Variants in PIH1D2 observed in about 807,000 individuals in gnomAD.
The protein encoded by PIH1D2 is PIH1 domain containing 2, also known as PIH1 domain-containing protein 2.
In PIH1D2, 25 loss-of-function variants were observed where a neutral mutation model predicts 31.2. The observed-to-expected ratio is 0.80, with a 90% confidence interval of 0.58 to 1.12. PIH1D2 has a LOEUF of 1.12. Among genes scored for constraint, PIH1D2 ranks in the 50% most tolerant of loss-of-function variants. The pLI is 0.00. For missense variants in PIH1D2, 310 were observed against 356.6 expected (o/e 0.87, Z 1.05); for synonymous variants, 116 against 119.9 (o/e 0.97, Z 0.21).
chr11:112,068,398 A>G (rs587632065), intron 5 of PIH1D2, among the ~76,000 whole-genome samples: 3 of 152,306 alleles, frequency 2.0e-5, no homozygotes, highest in East Asian at 3.9e-4. Flanking sequence ...GAAGTGGGAA[A>G]ATAGATGGTA....
downstream of PIH1D2, among the ~76,000 whole-genome samples, chr11:112,067,041 C>T (rs1237842272): frequency 7.2e-5 from 11 of 152,094 alleles, no homozygotes; most frequent in African/African-American, 2.4e-4. Context: ...CCAGCCTGGG[C>T]AACACAGCGA....
At position 112,070,697 on chromosome 11, in the gene PIH1D2, T is replaced by C; in HGVS notation, c.552A>G (p.Leu184=). The C allele has an allele frequency of 6.2e-7, 1 of 1,610,310 alleles. No individual in the cohort carries two copies. Among genetic ancestry groups the C allele is most frequent in the East Asian group, 2.2e-5 (1 of 44,836 alleles). The change falls in exon 5 of 6, where the codon CTA becomes CTG. Residue 184 remains leucine, a synonymous_variant. Transcript: ENST00000280350. The stretch of plus-strand genomic sequence containing the variant: ...TACTGCTTCGTATCTGTCCAAGAGT[T>C]AGTTCTTTATGAAAAAAAGGGTGGA... ...IDLREKMRRE[L]TLGQIRSSTM... is the part of the protein sequence containing the mutation.
At chr11:112,064,182 A>G (rs1555183606), downstream of PIH1D2, 2 of 1,571,084 alleles carry the variant, frequency 1.3e-6, no homozygotes, top group Non-Finnish European at 1.7e-6. Flanking sequence ...AACTTCAAAG[A>G]TAATTCATCT....
At chr11:112,058,760 T>C (rs1157793171), downstream of PIH1D2, among the ~76,000 whole-genome samples, 2 of 152,052 alleles carry the variant, frequency 1.3e-5, 1 homozygote, top group Admixed American at 1.3e-4. Flanking sequence ...TCATATCACA[T>C]TGTAGTTGTA....
At chr11:112,062,640 TTTATTA>T (rs1864709453), downstream of PIH1D2, 1 of 1,326,886 alleles carries the variant, frequency 7.5e-7, no homozygotes, top group Non-Finnish European at 1.1e-6. Context: ...ACCAGTTATT[TTTATTA>T]TTGAGTCTGT....
chr11:112,064,511 G>A, downstream of PIH1D2: 1 of 282,622 alleles, frequency 3.5e-6, no homozygotes, highest in Non-Finnish European at 6.6e-6. Flanking sequence ...TATATAATTG[G>A]CAAAATATGG....
At chr11:112,061,774 G>A (rs1469760954), downstream of PIH1D2, among the ~76,000 whole-genome samples, 1 of 152,108 alleles carries the variant, frequency 6.6e-6, no homozygotes, top group Non-Finnish European at 1.5e-5. Flanking sequence ...TAGTAGACAT[G>A]TTGTTTCACC....
chr11:112,056,841 C>A, the PIH1D2 span, among the ~76,000 whole-genome samples: 4 of 152,120 alleles, frequency 2.6e-5, no homozygotes, highest in African/African-American at 7.2e-5. Flanking sequence ...TATTTGTTAC[C>A]GTGTGGGTGT....
chr11:112,053,875 C>T, the PIH1D2 span, among the ~76,000 whole-genome samples: 2 of 152,118 alleles, frequency 1.3e-5, no homozygotes, highest in South Asian at 2.1e-4. Flanking sequence ...ACTGACTCCC[C>T]GTTAAAGAAC....
chr11:112,071,206 G>C lies in PIH1D2; in HGVS notation c.379C>G (p.Gln127Glu). The C allele has an allele frequency of 6.2e-7, 1 of 1,613,802 alleles. No homozygotes were observed. Among genetic ancestry groups the C allele is most frequent in the Non-Finnish European group, 8.5e-7 (1 of 1,179,886 alleles). Residue 127 changes from glutamine (Q) to glutamate (E), a missense_variant, in exon 4 of 6, where the codon CAG (glutamine) becomes GAG (glutamate). Physicochemically the swap from Gln to Glu is conservative, Grantham distance 29. Transcript: ENST00000280350. ...CATTTCATGGCCATCTGAATTAACT[G>C]ATTTTTTTTCACTTGGTCCTTTTCT... ...AAEKDQVKKN[Q>E]LIQMAMKCIE...
intron 1 of PIH1D2, among the ~76,000 whole-genome samples, chr11:112,073,509 T>G (rs1410708000): frequency 2.0e-5 from 3 of 152,148 alleles, no homozygotes; most frequent in African/African-American, 7.2e-5. Flanking sequence ...GACTGGTGGC[T>G]CCCCAGTTCT....
chr11:112,072,987 A>T lies in PIH1D2; in HGVS notation c.177+11T>A. ...CAAGACCTCCCCATCCCTGGCACCA[A>T]CTCGACATACCAGAATCCTGGTCTG... is the stretch of plus-strand genomic sequence containing the variant. On this transcript the variant is annotated intron_variant, in intron 2 of 5. Coordinates refer to ENST00000280350, the MANE Select transcript of PIH1D2 (RefSeq NM_138789.4). The T allele has an allele frequency of 6.3e-7, 1 of 1,589,044 alleles. No homozygotes were observed. The highest frequency in any genetic ancestry group is 2.3e-5 in the East Asian group (1 of 44,346).
At chr11:112,064,229 AAAAAT>A (rs1864813841), downstream of PIH1D2, 2 of 1,555,588 alleles carry the variant, frequency 1.3e-6, no homozygotes, top group East Asian at 4.6e-5. Context: ...TCCCTTGAAA[AAAAAT>A]AAAAACAGTT....
the PIH1D2 span, among the ~76,000 whole-genome samples, chr11:112,055,549 C>T: frequency 2.0e-5 from 3 of 151,746 alleles, no homozygotes; most frequent in African/African-American, 7.3e-5. Flanking sequence ...CGGCCAAGGC[C>T]TATATTCAAC....
At chr11:112,070,342 A>T in intron 5 of PIH1D2, 94 bp downstream of exon 5, 1 of 1,429,708 alleles carries the variant, frequency 7.0e-7, no homozygotes, top group Non-Finnish European at 9.6e-7. Context: ...AAATCATTGT[A>T]AGCCCCTGAA....
downstream of PIH1D2, among the ~76,000 whole-genome samples, chr11:112,060,624 T>TTG (rs1160362957): frequency 1.1e-4 from 16 of 151,702 alleles, no homozygotes; most frequent in East Asian, 1.9e-4. Context: ...CTGACTAATT[T>TTG]TGTGTGTGTG....
downstream of PIH1D2, chr11:112,060,111 TG>T (rs1864468465): frequency 9.7e-6 from 15 of 1,547,596 alleles, no homozygotes; most frequent in East Asian, 3.4e-4. Flanking sequence ...TTTTAAGGTT[TG>T]CATAATGCAT....
In PIH1D2 at chr11:112,073,070, C is replaced by T. The variant is rs1300190610; in HGVS notation, c.105G>A (p.Gln35=). 1.2e-6 allele frequency: 2 copies of T among 1,613,976 alleles called. No individual in the cohort carries two copies. The highest frequency in any genetic ancestry group is 2.7e-5 in the African/African-American group (2 of 74,896). ...SDPEGYEKFI[Q]QQLKEGKQLC... is the part of the protein sequence containing the mutation. Reference sequence around the variant, plus strand: ...GCTGTTTCCCTTCTTTCAGCTGCTGCTGAATAAACTTCTCATAGCCCTCAG... The same window carrying T: ...GCTGTTTCCCTTCTTTCAGCTGCTGTTGAATAAACTTCTCATAGCCCTCAG... The change falls in exon 2 of 6, where the codon CAG becomes CAA. Residue 35 remains glutamine (Q), a synonymous_variant. Transcript: ENST00000280350.
At chr11:112,065,568 T>A (rs1864890623), downstream of PIH1D2, among the ~76,000 whole-genome samples, 1 of 152,164 alleles carries the variant, frequency 6.6e-6, no homozygotes, top group Non-Finnish European at 1.5e-5. Flanking sequence ...GTTCCAGAAA[T>A]TTTTCAGGAG....
Sources: gnomAD v4.1 joint callset for allele counts (sites outside exome capture counted in the v4.1 genomes callset) on GRCh38, gnomAD v4.1.1 for gene constraint, MANE v1.5 for transcripts, NCBI Gene and HGNC (gene_info 2026-07-23, HGNC 2026-07-21) for gene names.